LPP: variants seen among roughly 807,000 people sequenced by gnomAD.
LPP encodes the protein LIM domain containing preferred translocation partner in lipoma, also known as lipoma-preferred partner.
LPP carries 38 observed loss-of-function variants against 60.4 expected under a neutral mutation model. That is an observed-to-expected ratio of 0.63 (90% CI 0.49 to 0.83). The LOEUF (loss-of-function observed/expected upper bound fraction) is 0.83, where lower values mean the gene tolerates loss of function less well. LPP is among the 40% of genes least tolerant of loss of function. The probability of loss-of-function intolerance (pLI) is 0.00; values close to 1 mark genes in which losing one functional copy is unlikely to be tolerated. For synonymous variants in LPP, 328 were observed against 290.8 expected (o/e 1.13, Z -1.30); for missense variants, 902 against 783.6 (o/e 1.15, Z -1.80).
At chr3:188,302,782 G>A (rs988655409) in intron 2 of LPP, among the ~76,000 whole-genome samples, 1 of 152,168 alleles carries the variant, frequency 6.6e-6, no homozygotes, top group African/African-American at 2.4e-5. Flanking sequence ...TCACAAACAA[G>A]CCTGAAATAG....
rs919110222 is a variant in LPP at position 188,551,419 on chromosome 3, A to G, written c.429+26632A>G. Among the ~76,000 whole-genome samples, 53 of 152,188 alleles carry G rather than the reference A, an allele frequency of 3.5e-4. 1 individual carries two copies. The highest frequency in any genetic ancestry group is 8.8e-5 in the Non-Finnish European group (6 of 68,034). Reference sequence around the variant, plus strand: ...CAAGATGAGATTTGGGTGGGGACAGAGCCAAGCCATATCACAAGCTTAGTG... The same window carrying G: ...CAAGATGAGATTTGGGTGGGGACAGGGCCAAGCCATATCACAAGCTTAGTG... On this transcript the variant is annotated intron_variant, in intron 6 of 11. Coordinates refer to ENST00000617246, the MANE Select transcript of LPP (RefSeq NM_001375462.1).
chr3:188,414,303 C>T (rs1003325564), intron 4 of LPP, among the ~76,000 whole-genome samples: 7 of 151,942 alleles, frequency 4.6e-5, no homozygotes, highest in African/African-American at 1.7e-4. Flanking sequence ...AAATCTGAAA[C>T]TTTCTGAGTG....
At chr3:188,451,494 A>G (rs898468949) in intron 4 of LPP, among the ~76,000 whole-genome samples, 2 of 152,182 alleles carry the variant, frequency 1.3e-5, no homozygotes, top group Non-Finnish European at 1.5e-5. Context: ...TGGCAATTGC[A>G]TTGTAGAAAC....
At chr3:188,365,046 T>C (rs929300325) in intron 3 of LPP, among the ~76,000 whole-genome samples, 1 of 152,076 alleles carries the variant, frequency 6.6e-6, no homozygotes, top group African/African-American at 2.4e-5. Flanking sequence ...AACAGAGGGC[T>C]AATAAAGGGC....
chr3:188,405,472 G>T (rs1470697382), intron 3 of LPP, among the ~76,000 whole-genome samples: 1 of 152,060 alleles, frequency 6.6e-6, no homozygotes, highest in Non-Finnish European at 1.5e-5. Context: ...TAAATGCTGT[G>T]TACTTTTCTG....
At chr3:188,402,581 A>C (rs1035401015) in intron 3 of LPP, among the ~76,000 whole-genome samples, 1 of 152,230 alleles carries the variant, frequency 6.6e-6, no homozygotes, top group African/African-American at 2.4e-5. Flanking sequence ...AATTAAGGGA[A>C]GATAAAAGAG....
intron 4 of LPP, among the ~76,000 whole-genome samples, chr3:188,431,110 C>T (rs1022900175): frequency 1.2e-4 from 18 of 152,008 alleles, no homozygotes; most frequent in African/African-American, 4.1e-4. Context: ...AATTAACCTG[C>T]GTGAAATGGT....
chr3:188,528,000 A>T (rs1180154468), intron 6 of LPP, among the ~76,000 whole-genome samples: 1 of 152,162 alleles, frequency 6.6e-6, no homozygotes, highest in Non-Finnish European at 1.5e-5. Context: ...AACTACCTTA[A>T]TATTTGAAAC....
chr3:188,693,609 G>C (rs781580963), intron 7 of LPP, among the ~76,000 whole-genome samples: 1 of 152,060 alleles, frequency 6.6e-6, no homozygotes, highest in Non-Finnish European at 1.5e-5. Flanking sequence ...TTTGTTTGTC[G>C]AGGAAAAGGA....
intron 1 of LPP, among the ~76,000 whole-genome samples, chr3:188,170,779 C>A (rs1258198692): frequency 6.6e-6 from 1 of 152,100 alleles, no homozygotes; most frequent in African/African-American, 2.4e-5. Context: ...CATTCTTATT[C>A]ATCTGAATCA....
intron 2 of LPP, among the ~76,000 whole-genome samples, chr3:188,242,393 G>A (rs1039650573): frequency 2.6e-5 from 4 of 151,780 alleles, no homozygotes; most frequent in Non-Finnish European, 5.9e-5. Flanking sequence ...CAGAGAGAGA[G>A]AGAGAGAAGG....
chr3:188,801,456 T>C (rs1747243039), intron 9 of LPP, among the ~76,000 whole-genome samples: 1 of 152,082 alleles, frequency 6.6e-6, no homozygotes, highest in Non-Finnish European at 1.5e-5. Context: ...ATTATTTTGG[T>C]GTTTATTTAT....
chr3:188,373,211 G>A (rs1183719190), intron 3 of LPP, among the ~76,000 whole-genome samples: 1 of 152,122 alleles, frequency 6.6e-6, no homozygotes, highest in Non-Finnish European at 1.5e-5. Flanking sequence ...TAATCCTTTG[G>A]GTATAAACCC....
At chr3:188,807,675 T>G (rs1749585935) in intron 9 of LPP, among the ~76,000 whole-genome samples, 1 of 152,174 alleles carries the variant, frequency 6.6e-6, no homozygotes, top group Non-Finnish European at 1.5e-5. Context: ...ATGATTTTCA[T>G]TTCTAGCATT....
chr3:188,323,832 G>T (rs1332904184), intron 2 of LPP, among the ~76,000 whole-genome samples: 1 of 152,202 alleles, frequency 6.6e-6, no homozygotes, highest in Non-Finnish European at 1.5e-5. Flanking sequence ...TAGGCAGAAT[G>T]GAAGTGGAGG....
At chr3:188,417,619 A>G (rs1413360692) in intron 4 of LPP, among the ~76,000 whole-genome samples, 1 of 152,138 alleles carries the variant, frequency 6.6e-6, no homozygotes, top group Non-Finnish European at 1.5e-5. Context: ...TACCTCTAGA[A>G]ATAGCTCCAG....
intron 7 of LPP, among the ~76,000 whole-genome samples, chr3:188,648,844 A>T (rs1373193495): frequency 6.6e-6 from 1 of 152,154 alleles, no homozygotes; most frequent in Non-Finnish European, 1.5e-5. Context: ...AGTTTGGGCC[A>T]GCATGTTGCT....
intron 3 of LPP, among the ~76,000 whole-genome samples, chr3:188,345,856 G>A (rs1764205144): frequency 6.6e-6 from 1 of 152,162 alleles, no homozygotes; most frequent in Non-Finnish European, 1.5e-5. Flanking sequence ...ACAGTACAGA[G>A]GTTCAAAGAG....
chr3:188,481,259 C>T (rs1397479341), intron 4 of LPP, among the ~76,000 whole-genome samples: 1 of 152,118 alleles, frequency 6.6e-6, no homozygotes, highest in South Asian at 2.1e-4. Flanking sequence ...GACATTTGCC[C>T]GTTCCTCTAC....
Sources: gnomAD v4.1 joint callset for allele counts (sites outside exome capture counted in the v4.1 genomes callset) on GRCh38, gnomAD v4.1.1 for gene constraint, MANE v1.5 for transcripts, NCBI Gene and HGNC (gene_info 2026-07-23, HGNC 2026-07-21) for gene names.